The following ZCWPW2 variants were observed in gnomAD, a reference collection of about 807,000 sequenced individuals.
The protein encoded by ZCWPW2 is zinc finger CW-type and PWWP domain containing 2.
Under a neutral mutation model 46.6 loss-of-function variants are expected in ZCWPW2, and 45 were observed. The ratio of observed to expected loss-of-function variants is 0.96; its 90% CI spans 0.76 to 1.24. The LOEUF (loss-of-function observed/expected upper bound fraction) is 1.24. Among genes scored for constraint, ZCWPW2 ranks in the 50% most tolerant of loss-of-function variants. ZCWPW2 has a pLI of 0.00. For missense variants in ZCWPW2, 429 were observed against 403.9 expected (o/e 1.06, Z -0.53); for synonymous variants, 152 against 137.1 (o/e 1.11, Z -0.76).
At chr3:28,386,807 T>C (rs1275820945) in intron 1 of ZCWPW2, among the ~76,000 whole-genome samples, 1 of 152,208 alleles carries the variant, frequency 6.6e-6, no homozygotes, top group Non-Finnish European at 1.5e-5. Flanking sequence ...TCTTCTCTTT[T>C]ATTGTTGGCT....
rs769599680 is a variant in ZCWPW2 at position 28,413,351 on chromosome 3, C to T, written c.283C>T (p.Gln95Ter). The change falls in exon 3 of 10, where the codon CAG (glutamine) becomes TAG (stop). Residue 95 changes from glutamine to a stop codon, truncating the protein, a stop_gained. Coordinates refer to ENST00000383768, the MANE Select transcript of ZCWPW2 (RefSeq NM_001040432.4). LOFTEE classifies it high-confidence loss of function. The part of the protein sequence containing the change: ...HQCGFKIVYS[Q>*]LPLGSLVLVK... ...GTGTGGATTTAAGATTGTCTATTCA[C>T]AGCTCCCTCTTGGAAGCCTGGTTTT... The T allele has an allele frequency of 1.9e-6, 3 of 1,612,210 alleles. No homozygotes were observed. Among genetic ancestry groups the T allele is most frequent in the Non-Finnish European group, 2.5e-6 (3 of 1,178,678 alleles).
chr3:28,433,741 G>A (rs1176355703), intron 3 of ZCWPW2, among the ~76,000 whole-genome samples: 2 of 149,452 alleles, frequency 1.3e-5, no homozygotes, highest in African/African-American at 4.9e-5. Context: ...GGGTGACAGA[G>A]CAAGACTCCC....
At chr3:28,494,876 G>A (rs1699933824) in intron 6 of ZCWPW2, among the ~76,000 whole-genome samples, 1 of 142,928 alleles carries the variant, frequency 7.0e-6, no homozygotes, top group Non-Finnish European at 1.5e-5. Flanking sequence ...TACAAGGGAT[G>A]TGAAGGACCT....
chr3:28,508,390 A>G lies in ZCWPW2; in HGVS notation c.658-5674A>G, dbSNP rs183209264. ...TTAGCATTTGGTAATAACCCTTTTT[A>G]TCTCTGATTGTGCTTTTTGACTTAA... On this transcript the variant is annotated intron_variant, in intron 6 of 9. Coordinates refer to ENST00000383768, the MANE Select transcript of ZCWPW2 (RefSeq NM_001040432.4). 3.9e-3 allele frequency among the ~76,000 whole-genome samples: 600 copies of G among 152,136 alleles called. 1 individual carries two copies. Among genetic ancestry groups the G allele is most frequent in the African/African-American group, 0.014 (574 of 41,520 alleles).
At chr3:28,477,331 A>AT (rs1699269207) in intron 4 of ZCWPW2, among the ~76,000 whole-genome samples, 1 of 152,120 alleles carries the variant, frequency 6.6e-6, no homozygotes, top group South Asian at 2.1e-4. Flanking sequence ...GTTTGATCCT[A>AT]TTGTTTCACT....
At chr3:28,447,463 A>G (rs535483880) in intron 4 of ZCWPW2, among the ~76,000 whole-genome samples, 4 of 146,222 alleles carry the variant, frequency 2.7e-5, no homozygotes, top group African/African-American at 1.0e-4. Flanking sequence ...TTCATGATTT[A>G]AAAAAAAAAA....
chr3:28,437,057 C>T (rs1043442838), intron 4 of ZCWPW2, among the ~76,000 whole-genome samples: 3 of 152,158 alleles, frequency 2.0e-5, no homozygotes, highest in African/African-American at 7.2e-5. Context: ...CTCTATACTG[C>T]ACCACATTGA....
rs1263197894 is a variant in ZCWPW2, at chr3:28,405,469, TTTTG to T, written c.-13-7571_-13-7568del. Among the ~76,000 whole-genome samples the T allele has an allele frequency of 2.0e-4, 31 of 152,146 alleles. No homozygotes were observed. In the East Asian group the frequency reaches 4.6e-3, roughly 23 times the overall value. On this transcript the variant is annotated intron_variant, in intron 2 of 9. Transcript: ENST00000383768. ...AGCGTACATTGCTGTAAACAGAGGT[TTTTG>T]TTTGTTTGTTTGTTTTTTTGAGACA...
intron 6 of ZCWPW2, among the ~76,000 whole-genome samples, chr3:28,496,555 C>T (rs1315373511): frequency 1.3e-5 from 2 of 151,900 alleles, no homozygotes; most frequent in African/African-American, 4.8e-5. Flanking sequence ...AAAATATTGA[C>T]AAGGTAGCCT....
At chr3:28,380,532 C>G (rs1695011299) in intron 1 of ZCWPW2, among the ~76,000 whole-genome samples, 1 of 152,130 alleles carries the variant, frequency 6.6e-6, no homozygotes, top group African/African-American at 2.4e-5. Flanking sequence ...TACTATAAAC[C>G]TGCCATTGCT....
chr3:28,508,422 C>CT (rs1358347983), intron 6 of ZCWPW2, among the ~76,000 whole-genome samples: 1 of 151,962 alleles, frequency 6.6e-6, no homozygotes, highest in Non-Finnish European at 1.5e-5. Flanking sequence ...TTAATGTCTG[C>CT]TTTTTTCTAC....
At chr3:28,457,960 T>A (rs1309072606) in intron 4 of ZCWPW2, among the ~76,000 whole-genome samples, 2 of 152,202 alleles carry the variant, frequency 1.3e-5, no homozygotes, top group African/African-American at 4.8e-5. Context: ...TGATTAATTG[T>A]CCTAAAATTT....
At chr3:28,437,353 G>T (rs1382697853) in intron 4 of ZCWPW2, among the ~76,000 whole-genome samples, 1 of 152,028 alleles carries the variant, frequency 6.6e-6, no homozygotes, top group Non-Finnish European at 1.5e-5. Context: ...AATATTTCAG[G>T]ATTTTCACTA....
chr3:28,457,669 C>G (rs554393933), intron 4 of ZCWPW2, among the ~76,000 whole-genome samples: 1 of 152,298 alleles, frequency 6.6e-6, no homozygotes, highest in Non-Finnish European at 1.5e-5. Flanking sequence ...TGACACTATG[C>G]TCATTTGCTT....
intron 5 of ZCWPW2, among the ~76,000 whole-genome samples, chr3:28,490,976 A>G (rs1699790011): frequency 6.6e-6 from 1 of 152,166 alleles, no homozygotes; most frequent in South Asian, 2.1e-4. Flanking sequence ...ATTTTTAATT[A>G]TAAGTATTAT....
chr3:28,512,241 A>G (rs1700447485), intron 6 of ZCWPW2, among the ~76,000 whole-genome samples: 1 of 151,846 alleles, frequency 6.6e-6, no homozygotes, highest in Non-Finnish European at 1.5e-5. Flanking sequence ...TCAGTGGTAC[A>G]ATCTCAACTC....
At chr3:28,409,945 A>C (rs1696333494) in intron 2 of ZCWPW2, among the ~76,000 whole-genome samples, 1 of 152,108 alleles carries the variant, frequency 6.6e-6, no homozygotes, top group Non-Finnish European at 1.5e-5. Context: ...TGTTTACAGG[A>C]GGCAGAGATA....
intron 8 of ZCWPW2, among the ~76,000 whole-genome samples, chr3:28,516,526 T>C (rs1700578711): frequency 6.6e-6 from 1 of 152,150 alleles, no homozygotes; most frequent in Non-Finnish European, 1.5e-5. Flanking sequence ...TCCTTCTACA[T>C]TTTCTTTAGT....
intron 3 of ZCWPW2, among the ~76,000 whole-genome samples, chr3:28,431,149 A>G (rs766016304): frequency 1.3e-5 from 2 of 152,192 alleles, no homozygotes; most frequent in African/African-American, 4.8e-5. Flanking sequence ...CATGATATGT[A>G]TACTTTCTTT....
Sources: gnomAD v4.1 joint callset for allele counts (sites outside exome capture counted in the v4.1 genomes callset) on GRCh38, gnomAD v4.1.1 for gene constraint, MANE v1.5 for transcripts, NCBI Gene and HGNC (gene_info 2026-07-23, HGNC 2026-07-21) for gene names.